The following LAMA3 variants were observed in gnomAD, a reference collection of about 807,000 sequenced individuals.
LAMA3 encodes the protein laminin subunit alpha 3.
LAMA3 carries 281 observed loss-of-function variants against 402.0 expected under a neutral mutation model. The ratio of observed to expected loss-of-function variants is 0.70; its 90% CI spans 0.63 to 0.77. The LOEUF (loss-of-function observed/expected upper bound fraction) is 0.77, where lower values mean the gene tolerates loss of function less well. Ranked by LOEUF, LAMA3 falls within the 30% of genes least tolerant of loss-of-function variation. LAMA3 has a pLI of 0.00. For synonymous variants in LAMA3, 1,431 were observed against 1,558.4 expected, an observed-to-expected ratio of 0.92 and a Z score of 1.93; for missense variants, 3,840 against 4,215.5, an observed-to-expected ratio of 0.91 and a Z score of 2.47.
intron 31 of LAMA3, 128 bp downstream of exon 31, chr18:23,846,636 G>A (rs2063822931): frequency 1.1e-6 from 1 of 899,984 alleles, no homozygotes; most frequent in African/African-American, 1.6e-5. Flanking sequence ...TGCAGATTCT[G>A]ATTCAGGAGA....
At chr18:23,939,064 G>A (rs1488455221) in intron 67 of LAMA3, among the ~76,000 whole-genome samples, 159 bp from the exon 68 acceptor site, 1 of 152,140 alleles carries the variant, frequency 6.6e-6, no homozygotes, top group Non-Finnish European at 1.5e-5. Context: ...CGCAGGAAGG[G>A]CTCTCAGCGG....
At chr18:23,801,493 T>TA (rs2062865671) in intron 12 of LAMA3, among the ~76,000 whole-genome samples, 17 of 152,158 alleles carry the variant, frequency 1.1e-4, no homozygotes, top group Admixed American at 1.1e-3. Context: ...TTTTAGAGCC[T>TA]AAAAACCTCC....
chr18:23,729,114 GTGTGTGTA>G (rs1463897979), intron 2 of LAMA3, among the ~76,000 whole-genome samples: 2 of 63,814 alleles, frequency 3.1e-5, no homozygotes, highest in African/African-American at 2.3e-4. Context: ...ATGATGTATT[GTGTGTGTA>G]TGTGTGTGTG....
intron 19 of LAMA3, among the ~76,000 whole-genome samples, chr18:23,820,624 C>T (rs1297859569): frequency 6.6e-6 from 1 of 152,106 alleles, no homozygotes; most frequent in Non-Finnish European, 1.5e-5. Context: ...ACCTTTAGAA[C>T]TTATACGTCT....
At chr18:23,899,537 C>A in intron 47 of LAMA3, 82 bp downstream of exon 47, 1 of 1,368,348 alleles carries the variant, frequency 7.3e-7, no homozygotes, top group East Asian at 2.4e-5. Context: ...GTAGAGTTCC[C>A]CGTTATAGGT....
intron 39 of LAMA3, among the ~76,000 whole-genome samples, chr18:23,877,486 G>A (rs1470336071): frequency 6.6e-6 from 1 of 152,160 alleles, no homozygotes; most frequent in South Asian, 2.1e-4. Flanking sequence ...CAGTTGTGTT[G>A]TGCCCTTTTG....
rs975070793 is a variant in LAMA3 at position 23,904,775 on chromosome 18, G to A, written c.6615+81G>A. ...ATATTTTCTTTCCGTGGGCTCCAAGGAATAGAAACAAAGCATTATTTTAAA... is the reference window on the plus strand; with the variant it reads ...ATATTTTCTTTCCGTGGGCTCCAAGAAATAGAAACAAAGCATTATTTTAAA... On this transcript the variant is annotated intron_variant, in intron 51 of 74. Coordinates refer to ENST00000313654, the MANE Select transcript of LAMA3 (RefSeq NM_198129.4). 2.4e-5 allele frequency: 34 copies of A among 1,420,388 alleles called. No individual in the cohort carries two copies. In the Admixed American group the frequency reaches 6.0e-4, roughly 25 times the overall value. 88.0% of individuals were successfully genotyped at this position (1,420,388 alleles called of 1,614,324 possible). A position where few individuals can be genotyped will look rare whatever the true frequency, so the allele number is the denominator to read the frequency against.
At chr18:23,773,358 GC>G in intron 8 of LAMA3, 138 bp from the exon 9 acceptor site, 1 of 729,180 alleles carries the variant, frequency 1.4e-6, no homozygotes, top group Non-Finnish European at 2.4e-6. Context: ...CAAGATTAAT[GC>G]TTTTTTAAAT....
intron 1 of LAMA3, among the ~76,000 whole-genome samples, chr18:23,707,957 C>T (rs954986525): frequency 5.3e-5 from 8 of 152,236 alleles, no homozygotes; most frequent in African/African-American, 1.2e-4. Context: ...TTGTAGTCAA[C>T]GCTTTTTGTA....
intron 2 of LAMA3, among the ~76,000 whole-genome samples, chr18:23,717,458 T>C (rs2061121652): frequency 6.6e-6 from 1 of 152,082 alleles, no homozygotes; most frequent in Admixed American, 6.6e-5. Context: ...GGTCTTGTTT[T>C]CTTTTAGACT....
intron 2 of LAMA3, among the ~76,000 whole-genome samples, chr18:23,735,929 C>T (rs1386485529): frequency 6.6e-6 from 1 of 152,102 alleles, no homozygotes; most frequent in East Asian, 1.9e-4. Flanking sequence ...TCCTCTAAGA[C>T]CCGCTTCCCC....
At chr18:23,808,933 A>T (rs1044090858) in intron 12 of LAMA3, among the ~76,000 whole-genome samples, 5 of 152,202 alleles carry the variant, frequency 3.3e-5, no homozygotes, top group Non-Finnish European at 7.4e-5. Flanking sequence ...TAAGGCTCCA[A>T]CTAGCATGGA....
chr18:23,871,239 A>G (rs1289050823), intron 37 of LAMA3, among the ~76,000 whole-genome samples, 192 bp from the exon 38 acceptor site: 1 of 151,840 alleles, frequency 6.6e-6, no homozygotes, highest in East Asian at 1.9e-4. Flanking sequence ...TCCTTCCTTC[A>G]TGGGAATAAC....
At position 23,904,075 on chromosome 18, in the gene LAMA3, A is replaced by G; in HGVS notation, c.6461A>G (p.Lys2154Arg). The G allele has an allele frequency of 6.2e-7, 1 of 1,613,642 alleles. No individual in the cohort carries two copies. The highest frequency in any genetic ancestry group is 8.5e-7 in the Non-Finnish European group (1 of 1,180,018). ...KHARSLQELA[K>R]QLEEIKRNAS... ...GCGCGGTCCTTACAAGAGCTGGCAAAGCAGCTGGAAGAGTGAGTGCATGGC... is the reference window on the plus strand; with the variant it reads ...GCGCGGTCCTTACAAGAGCTGGCAAGGCAGCTGGAAGAGTGAGTGCATGGC... The change falls in exon 50 of 75, where the codon AAG becomes AGG. Residue 2154 changes from lysine to arginine, a missense_variant. Physicochemically the swap from Lys to Arg is conservative, Grantham distance 26. Around this residue, in one of 3 missense-constraint regions of LAMA3, gnomAD observed 891 missense variants for 857.5 expected, o/e 1.04. Coordinates refer to ENST00000313654, the MANE Select transcript of LAMA3 (RefSeq NM_198129.4).
chr18:23,747,350 T>C (rs547840777), intron 2 of LAMA3, among the ~76,000 whole-genome samples: 1 of 152,248 alleles, frequency 6.6e-6, no homozygotes, highest in East Asian at 1.9e-4. Context: ...TCCATACTTT[T>C]GCATCATCCT....
At chr18:23,743,087 T>C (rs1349504342) in intron 2 of LAMA3, among the ~76,000 whole-genome samples, 1 of 152,200 alleles carries the variant, frequency 6.6e-6, no homozygotes, top group Non-Finnish European at 1.5e-5. Flanking sequence ...TGGTGCAGCC[T>C]AGTGGGAATG....
In LAMA3 at chr18:23,890,078, A is replaced by C. The variant is rs1342525191; in HGVS notation, c.5371A>C (p.Ser1791Arg). 6.2e-7 allele frequency: 1 copy of C among 1,614,146 alleles called. No homozygotes were observed. Among genetic ancestry groups the C allele is most frequent in the Admixed American group, 1.7e-5 (1 of 60,036 alleles). The change falls in exon 42 of 75, where the codon AGC becomes CGC. Residue 1791 changes from serine to arginine, a missense_variant. This residue lies in a region of LAMA3 where 2,109 missense variants were observed against 2,376.0 expected (regional missense o/e 0.89). Coordinates refer to ENST00000313654, the MANE Select transcript of LAMA3 (RefSeq NM_198129.4). ...TAGCTGCCAACCATGCAGTTGTAAC[A>C]GCAATGGCCAGCTGGGCAGCTGTCA... ...GGSCQPCSCN[S>R]NGQLGSCHPL...
intron 27 of LAMA3, among the ~76,000 whole-genome samples, chr18:23,841,792 C>T (rs1025389679): frequency 4.6e-5 from 7 of 152,030 alleles, no homozygotes; most frequent in Admixed American, 1.3e-4. Context: ...CATGATGGCA[C>T]GTACTTGTAG....
rs147375397 is a variant in LAMA3, at chr18:23,916,260, A to T, written c.7779-291A>T. Among the ~76,000 whole-genome samples, 931 of 152,280 alleles carry T rather than the reference A, an allele frequency of 6.1e-3. 7 individuals are homozygous for T. The highest frequency in any genetic ancestry group is 0.021 in the African/African-American group (892 of 41,548). Reference sequence around the variant, plus strand: ...GCAAGTTAATAATCTCTTACATTTCAAAATCTTCAGCTGGCAGACCACATC... The same window carrying T: ...GCAAGTTAATAATCTCTTACATTTCTAAATCTTCAGCTGGCAGACCACATC... On this transcript the variant is annotated intron_variant, in intron 59 of 74. Coordinates refer to ENST00000313654, the MANE Select transcript of LAMA3 (RefSeq NM_198129.4).
Sources: allele counts gnomAD v4.1 joint callset (sites outside exome capture counted in the v4.1 genomes callset), GRCh38; gene constraint gnomAD v4.1.1; regional missense constraint gnomAD v4.1.1; transcripts MANE v1.5; gene names NCBI Gene and HGNC (gene_info 2026-07-23, HGNC 2026-07-21).